Variants in ACCSL observed in about 807,000 individuals in gnomAD.
ACCSL encodes the protein 1-aminocyclopropane-1-carboxylate synthase homolog (inactive) like.
In ACCSL, 55 loss-of-function variants were observed where a neutral mutation model predicts 61.7. The observed-to-expected ratio is 0.89, with a 90% CI of 0.72 to 1.12. The LOEUF is 1.12. Among genes scored for constraint, ACCSL ranks in the 50% most tolerant of loss-of-function variants. The pLI, the probability that ACCSL is intolerant of heterozygous loss-of-function variation, is 0.00. For missense variants in ACCSL, 632 were observed against 698.0 expected, an observed-to-expected ratio of 0.91 and a Z score of 1.07; for synonymous variants, 258 against 264.3, an observed-to-expected ratio of 0.98 and a Z score of 0.23.
chr11:43,947,477 G>A, the ACCSL span, among the ~76,000 whole-genome samples: 2 of 152,024 alleles, frequency 1.3e-5, no homozygotes, highest in African/African-American at 4.8e-5. Flanking sequence ...GCAGGCTGGG[G>A]CCGGCTGGGC....
chr11:43,961,761 A>C, the ACCSL span, among the ~76,000 whole-genome samples: 1 of 152,008 alleles, frequency 6.6e-6, no homozygotes, highest in Non-Finnish European at 1.5e-5. Context: ...CTGATGCAGG[A>C]AAATAGGCTC....
the ACCSL span, among the ~76,000 whole-genome samples, chr11:43,978,003 CT>C: frequency 0.023 from 2,208 of 97,704 alleles, 64 homozygotes; most frequent in East Asian, 0.26. Flanking sequence ...CTAGGAAGCT[CT>C]TTTTTTTTTT....
chr11:43,982,226 CTTTTTTTTTTTTTT>C, the ACCSL span, among the ~76,000 whole-genome samples: 2 of 86,324 alleles, frequency 2.3e-5, no homozygotes, highest in African/African-American at 4.2e-5. Flanking sequence ...CCAAGGCCCT[CTTTTTTTTTTTTTT>C]TTTTTTTTTG....
At chr11:44,041,064 A>G in the ACCSL span, among the ~76,000 whole-genome samples, 14 of 152,314 alleles carry the variant, frequency 9.2e-5, no homozygotes, top group Middle Eastern at 3.4e-3. Flanking sequence ...AAAATACATA[A>G]GGAACCTAGA....
At chr11:44,042,787 A>C in the ACCSL span, among the ~76,000 whole-genome samples, 14 of 152,046 alleles carry the variant, frequency 9.2e-5, no homozygotes, top group Admixed American at 9.2e-4. Flanking sequence ...TAGCATTTAA[A>C]ATAAAGTTGT....
chr11:43,965,295 A>G, the ACCSL span, among the ~76,000 whole-genome samples: 1 of 148,022 alleles, frequency 6.8e-6, no homozygotes, highest in African/African-American at 2.5e-5. Context: ...TTGAATTTCT[A>G]TATAATAACA....
chr11:43,949,329 A>G, the ACCSL span, among the ~76,000 whole-genome samples: 1 of 152,066 alleles, frequency 6.6e-6, no homozygotes, highest in African/African-American at 2.4e-5. Context: ...CTGTGTTACA[A>G]CGGTCTGCTG....
chr11:44,052,717 G>A lies in ACCSL; in HGVS notation c.828G>A (p.Leu276=), dbSNP rs770558690. The change falls in exon 6 of 14, where the codon CTG becomes CTA. Residue 276 remains leucine (L), a synonymous_variant. Coordinates refer to ENST00000378832, the MANE Select transcript of ACCSL (RefSeq NM_001031854.2). ...GTGGCTTTGCCTTTAGCTCCCGCCT[G>A]TATGCAAAGGTTGAGTTGATTCCTG... The part of the protein sequence containing the change: ...FYGGFAFSSR[L]YAKVELIPVH... 2.5e-6 allele frequency: 4 copies of A among 1,614,036 alleles called. No homozygotes were observed. The highest frequency in any genetic ancestry group is 1.7e-5 in the Admixed American group (1 of 60,002).
chr11:43,993,167 C>G, the ACCSL span, among the ~76,000 whole-genome samples: 1 of 152,186 alleles, frequency 6.6e-6, no homozygotes, highest in African/African-American at 2.4e-5. Context: ...TCCCCACTCC[C>G]CAGCCCATGC....
chr11:43,939,546 A>G, the ACCSL span, among the ~76,000 whole-genome samples: 1 of 149,140 alleles, frequency 6.7e-6, no homozygotes, highest in Non-Finnish European at 1.5e-5. Flanking sequence ...CTTCTCCAAC[A>G]CATTTGCCTG....
chr11:44,001,357 A>G, the ACCSL span, among the ~76,000 whole-genome samples: 3 of 151,786 alleles, frequency 2.0e-5, no homozygotes, highest in African/African-American at 4.8e-5. Context: ...GCTTGTTTCC[A>G]GGTTTTTCCA....
the ACCSL span, among the ~76,000 whole-genome samples, chr11:43,923,897 C>T: frequency 0.16 from 24,434 of 152,212 alleles, 2,609 homozygotes; most frequent in Non-Finnish European, 0.24. Flanking sequence ...CCTGTGTGTA[C>T]GACGCTGTTA....
the ACCSL span, among the ~76,000 whole-genome samples, chr11:43,998,764 A>ATT: frequency 8.1e-4 from 115 of 141,180 alleles, 2 homozygotes; most frequent in Admixed American, 1.3e-3. Context: ...GTCACATGGC[A>ATT]TTTTTTTTTT....
rs575030789 is a variant in ACCSL, at chr11:44,057,246, A to G, written c.1327+920A>G. Among the ~76,000 whole-genome samples, 8 of 152,362 alleles carry G rather than the reference A, an allele frequency of 5.3e-5. No individual in the cohort carries two copies. In the East Asian group the frequency reaches 1.3e-3, roughly 26 times the overall value. ...AGACTCACTTTCTTTAGTTCCCTGT[A>G]ATAGAACAGATACCAAGCTGAAAGT... On this transcript the variant is annotated intron_variant, in intron 11 of 13. Coordinates refer to ENST00000378832, the MANE Select transcript of ACCSL (RefSeq NM_001031854.2).
At chr11:44,053,133 AT>A in intron 7 of ACCSL, 65 bp downstream of exon 7, 1 of 1,415,390 alleles carries the variant, frequency 7.1e-7, no homozygotes, top group Non-Finnish European at 1.0e-6. Flanking sequence ...GAGTATTGAA[AT>A]TCTGGTACTG....
chr11:43,967,984 C>T, the ACCSL span, among the ~76,000 whole-genome samples: 2 of 152,262 alleles, frequency 1.3e-5, no homozygotes, highest in Admixed American at 6.5e-5. Flanking sequence ...CCAGGGATCT[C>T]GGTTTATTAT....
chr11:43,944,123 G>A, the ACCSL span: 6 of 332,374 alleles, frequency 1.8e-5, no homozygotes, highest in South Asian at 1.2e-4. Flanking sequence ...CCCCATCGCC[G>A]GCATCCGGGC....
At chr11:44,027,344 C>T in the ACCSL span, among the ~76,000 whole-genome samples, 1 of 152,144 alleles carries the variant, frequency 6.6e-6, no homozygotes, top group Non-Finnish European at 1.5e-5. Flanking sequence ...CTTCTAGATT[C>T]CCAGAAATAA....
chr11:43,950,119 T>G, the ACCSL span, among the ~76,000 whole-genome samples: 1 of 152,220 alleles, frequency 6.6e-6, no homozygotes, highest in Non-Finnish European at 1.5e-5. Flanking sequence ...CTCAAAAGAA[T>G]GCAACATTTG....
Sources: allele counts gnomAD v4.1 joint callset (sites outside exome capture counted in the v4.1 genomes callset), GRCh38; gene constraint gnomAD v4.1.1; transcripts MANE v1.5; gene names NCBI Gene and HGNC (gene_info 2026-07-23, HGNC 2026-07-21).